Variants in DCC observed in about 807,000 individuals in gnomAD.
DCC encodes the protein netrin receptor DCC.
DCC carries 58 observed loss-of-function variants against 172.5 expected under a neutral mutation model. The ratio of observed to expected loss-of-function variants is 0.34; its 90% confidence interval spans 0.27 to 0.42. The LOEUF (loss-of-function observed/expected upper bound fraction) is 0.42, where lower values mean the gene tolerates loss of function less well. DCC is among the 10% of genes least tolerant of loss of function. DCC has a pLI of 1.00. For missense variants in DCC, 1,740 were observed against 1,791.0 expected (o/e 0.97, Z 0.51); for synonymous variants, 709 against 644.5 (o/e 1.10, Z -1.52).
intron 1 of DCC, among the ~76,000 whole-genome samples, chr18:52,458,240 G>C (rs1988519265): frequency 6.6e-6 from 1 of 151,980 alleles, no homozygotes; most frequent in Non-Finnish European, 1.5e-5. Flanking sequence ...GCTGCCCCTG[G>C]GGCACCTCCA....
At chr18:53,178,854 G>T in intron 8 of DCC, 108 bp from the exon 9 acceptor site, 1 of 1,110,442 alleles carries the variant, frequency 9.0e-7, no homozygotes. Context: ...AACATTAGAT[G>T]AGTGAGCAAC....
intron 2 of DCC, among the ~76,000 whole-genome samples, chr18:52,840,921 CAT>C (rs1307228896): frequency 6.6e-6 from 1 of 151,208 alleles, no homozygotes; most frequent in African/African-American, 2.4e-5. Flanking sequence ...AACAGGGAAA[CAT>C]AAATAAACCT....
chr18:52,560,932 T>A (rs192106847), intron 1 of DCC, among the ~76,000 whole-genome samples: 1 of 152,188 alleles, frequency 6.6e-6, no homozygotes. Context: ...ATGTAATAAG[T>A]TTCTGTATCA....
intron 5 of DCC, among the ~76,000 whole-genome samples, chr18:52,941,397 T>C (rs147989367): frequency 0.018 from 2,667 of 152,232 alleles, 38 homozygotes; most frequent in Middle Eastern, 0.048. Context: ...TGAAAAATTA[T>C]GCATCTTTAT....
At chr18:52,553,185 C>T (rs540349663) in intron 1 of DCC, among the ~76,000 whole-genome samples, 2 of 152,008 alleles carry the variant, frequency 1.3e-5, no homozygotes, top group African/African-American at 4.8e-5. Flanking sequence ...TATAGATGCA[C>T]ATGTATGTGT....
intron 1 of DCC, among the ~76,000 whole-genome samples, chr18:52,651,976 C>G (rs2035141081): frequency 6.6e-6 from 1 of 152,082 alleles, no homozygotes; most frequent in Non-Finnish European, 1.5e-5. Context: ...GAAGAGAAAG[C>G]CACAGTATCA....
At chr18:52,961,646 T>G (rs932497310) in intron 5 of DCC, among the ~76,000 whole-genome samples, 1 of 152,204 alleles carries the variant, frequency 6.6e-6, no homozygotes, top group African/African-American at 2.4e-5. Context: ...TTGTATGGCT[T>G]AAGTCATCGA....
chr18:53,359,781 C>T (rs936425405), intron 15 of DCC, among the ~76,000 whole-genome samples: 5 of 152,128 alleles, frequency 3.3e-5, no homozygotes, highest in African/African-American at 1.2e-4. Flanking sequence ...CAAGGAGAAG[C>T]CCCTTCTAGT....
intron 2 of DCC, among the ~76,000 whole-genome samples, chr18:52,862,941 AC>A: frequency 6.6e-6 from 1 of 152,240 alleles, no homozygotes; most frequent in South Asian, 2.1e-4. Flanking sequence ...CCAAGGAGAA[AC>A]CTAAATTCTA....
intron 5 of DCC, among the ~76,000 whole-genome samples, chr18:53,043,717 G>A (rs891944098): frequency 6.6e-6 from 1 of 151,866 alleles, no homozygotes; most frequent in Admixed American, 6.6e-5. Flanking sequence ...TCACTGAATG[G>A]CAAAGTTGTG....
At chr18:53,232,755 C>T (rs1037587770) in intron 12 of DCC, among the ~76,000 whole-genome samples, 10 of 152,070 alleles carry the variant, frequency 6.6e-5, no homozygotes, top group African/African-American at 2.2e-4. Context: ...TTTCATCCAC[C>T]ATACCCAGGC....
chr18:52,916,801 A>C (rs2040047637), intron 3 of DCC, among the ~76,000 whole-genome samples: 1 of 152,142 alleles, frequency 6.6e-6, no homozygotes, highest in Admixed American at 6.6e-5. Flanking sequence ...TTGAGATCAG[A>C]TTGTTTCTAT....
intron 1 of DCC, among the ~76,000 whole-genome samples, chr18:52,527,576 T>C (rs2032021043): frequency 6.6e-6 from 1 of 152,236 alleles, no homozygotes; most frequent in Non-Finnish European, 1.5e-5. Flanking sequence ...CTAAATGAGC[T>C]TATTAATGTT....
intron 1 of DCC, among the ~76,000 whole-genome samples, chr18:52,387,927 G>A (rs942704040): frequency 1.4e-4 from 21 of 151,826 alleles, no homozygotes; most frequent in African/African-American, 2.9e-4. Context: ...TCCTTTGCTC[G>A]CCACCACCAA....
chr18:53,180,783 T>C (rs865867562), intron 9 of DCC, among the ~76,000 whole-genome samples: 1 of 152,112 alleles, frequency 6.6e-6, no homozygotes, highest in East Asian at 1.9e-4. Context: ...CAGCTAATTT[T>C]TGTATTTTTA....
intron 1 of DCC, among the ~76,000 whole-genome samples, chr18:52,632,309 CTAT>C (rs2034692431): frequency 9.2e-5 from 14 of 152,166 alleles, no homozygotes; most frequent in Middle Eastern, 3.2e-3. Flanking sequence ...GCTCATTGTT[CTAT>C]CCTCAGTTGT....
chr18:52,669,634 C>T (rs905553231), intron 1 of DCC, among the ~76,000 whole-genome samples: 11 of 152,258 alleles, frequency 7.2e-5, no homozygotes, highest in African/African-American at 1.9e-4. Flanking sequence ...GGCAAATACA[C>T]GGTGCATATA....
chr18:52,515,606 C>CAAAAAAAAAAAAAAA lies in DCC; in HGVS notation c.91+174734_91+174748dup, dbSNP rs58112743. Among the ~76,000 whole-genome samples, 42 of 10,316 alleles carry CAAAAAAAAAAAAAAA rather than the reference C, an allele frequency of 4.1e-3. 7 individuals are homozygous for CAAAAAAAAAAAAAAA. The highest frequency in any genetic ancestry group is 8.8e-3 in the Non-Finnish European group (35 of 3,978). The allele number at this position is 10,316 out of a possible 152,430, so 6.8% of individuals were successfully genotyped here. ...TGGGCGACAGAGCGAAACCCTGTCT[C>CAAAAAAAAAAAAAAA]AAAAAAAAAAAAAAAAAAAATCATA... is the stretch of plus-strand genomic sequence containing the variant. On this transcript the variant is annotated intron_variant, in intron 1 of 28. Coordinates refer to ENST00000442544, the MANE Select transcript of DCC (RefSeq NM_005215.4).
At chr18:52,590,869 T>C (rs1228296835) in intron 1 of DCC, among the ~76,000 whole-genome samples, 1 of 152,274 alleles carries the variant, frequency 6.6e-6, no homozygotes, top group Non-Finnish European at 1.5e-5. Context: ...ATGTTGCTTT[T>C]CTTTTTCCTA....
Sources: allele counts gnomAD v4.1 joint callset (sites outside exome capture counted in the v4.1 genomes callset), GRCh38; gene constraint gnomAD v4.1.1; transcripts MANE v1.5; gene names NCBI Gene and HGNC (gene_info 2026-07-23, HGNC 2026-07-21).